CFAP70: variants seen among roughly 807,000 people sequenced by gnomAD.
CFAP70 encodes the protein cilia- and flagella-associated protein 70.
A neutral mutation model predicts 137.6 loss-of-function variants in CFAP70; 81 were observed. That is an observed-to-expected ratio of 0.59 (90% CI 0.49 to 0.71). CFAP70 has a LOEUF of 0.71. Ranked by LOEUF, CFAP70 falls within the 30% of genes least tolerant of loss-of-function variation. The pLI is 0.00. For missense variants in CFAP70, 976 were observed against 1,226.7 expected, an observed-to-expected ratio of 0.80 and a Z score of 3.05; for synonymous variants, 382 against 423.6, an observed-to-expected ratio of 0.90 and a Z score of 1.20.
rs1240887354 is a variant in CFAP70, at chr10:73,302,789, A to C, written c.1257-3124T>G. The stretch of plus-strand genomic sequence containing the variant: ...TCTTATACAGTGACATAGATTTAGC[A>C]GTTTGGTATACCCATGCCTCAGGCT... On this transcript the variant is annotated intron_variant, in intron 12 of 26. Transcript: ENST00000310715. Among the ~76,000 whole-genome samples, 5 of 152,170 alleles carry C rather than the reference A, an allele frequency of 3.3e-5. No individual in the cohort carries two copies. The East Asian group carries it at 9.6e-4, about 29-fold the overall frequency.
intron 6 of CFAP70, 39 bp from the exon 8 acceptor site, chr10:73,335,563 C>T: frequency 1.4e-6 from 2 of 1,465,372 alleles, no homozygotes; most frequent in Non-Finnish European, 1.9e-6. Flanking sequence ...GTATGTGTGC[C>T]ATGACTTCAT....
intron 19 of CFAP70, among the ~76,000 whole-genome samples, chr10:73,284,568 T>C (rs567045130): frequency 6.6e-6 from 1 of 151,356 alleles, no homozygotes; most frequent in Non-Finnish European, 1.5e-5. Flanking sequence ...CTGCTTTTTA[T>C]TCTACTATTT....
At chr10:73,353,737 A>T (rs147289084) in exon 3 of CFAP70, 421 of 1,613,594 alleles carry the variant, frequency 2.6e-4, no homozygotes, top group Non-Finnish European at 3.4e-4. Flanking sequence ...CTCCTTTAAA[A>T]CCTTTCTGTT....
At chr10:73,361,885 A>C (rs1415240007), upstream of CFAP70, among the ~76,000 whole-genome samples, 1 of 152,110 alleles carries the variant, frequency 6.6e-6, no homozygotes, top group African/African-American at 2.4e-5. Context: ...TAACAAGCTG[A>C]TCTTAAAATT....
At chr10:73,305,647 G>C (rs1236389537) in intron 12 of CFAP70, among the ~76,000 whole-genome samples, 2 of 152,222 alleles carry the variant, frequency 1.3e-5, no homozygotes, top group Non-Finnish European at 2.9e-5. Flanking sequence ...AAGGAAATCT[G>C]TCAAAACACT....
At position 73,275,467 on chromosome 10, in the gene CFAP70, T is replaced by C. The variant is rs540018219; in HGVS notation, c.2652A>G (p.Gln884=). The stretch of plus-strand genomic sequence containing the variant: ...TTACCAGGTAGTCCATCTGGGCTGC[T>C]TGTTGAAGGTATTCCTCTGCCTTGG... Residue 884 remains glutamine, a synonymous_variant, in exon 22 of 27, where the codon CAA becomes CAG. Coordinates refer to ENST00000310715, the Ensembl canonical transcript of CFAP70. The surrounding 1 kb of genome is among the most constrained non-coding windows in gnomAD (Gnocchi z 4.0). The C allele has an allele frequency of 6.2e-7, 1 of 1,607,650 alleles. No homozygotes were observed. The highest frequency in any genetic ancestry group is 1.3e-5 in the African/African-American group (1 of 74,584).
At chr10:73,348,190 C>A in intron 4 of CFAP70, 2 of 1,614,172 alleles carry the variant, frequency 1.2e-6, no homozygotes, top group Non-Finnish European at 1.7e-6. Flanking sequence ...TAAGGGTGAG[C>A]CTTGCACAGG....
At chr10:73,328,385 TC>T (rs2051695865) in intron 8 of CFAP70, among the ~76,000 whole-genome samples, 1 of 150,960 alleles carries the variant, frequency 6.6e-6, no homozygotes, top group South Asian at 2.1e-4. Flanking sequence ...CCATAAAAAC[TC>T]TAGAAGAAAA....
rs753252529 is a variant in CFAP70 at position 73,275,610 on chromosome 10, A to G, written c.2521-12T>C. 2 of 1,542,286 alleles carry G rather than the reference A, an allele frequency of 1.3e-6. No individual in the cohort carries two copies. Among genetic ancestry groups the G allele is most frequent in the Non-Finnish European group, 1.7e-6 (2 of 1,147,976 alleles). ...ACTCTGTGCACATACTGCAAGGATA[A>G]TCAGATTATAAGCAACATATAAATG... On this transcript the variant is annotated splice_polypyrimidine_tract_variant and intron_variant, in intron 21 of 26. Coordinates refer to ENST00000310715, the Ensembl canonical transcript of CFAP70. This position sits in a 1 kb window ranked among gnomAD's most constrained non-coding sequence, Gnocchi z 4.0.
chr10:73,309,680 A>G (rs554727430), intron 12 of CFAP70, among the ~76,000 whole-genome samples: 15 of 122,116 alleles, frequency 1.2e-4, no homozygotes, highest in Admixed American at 5.5e-4. Context: ...TTTTAGAGAT[A>G]GAGTCTTTCT....
At chr10:73,341,949 A>T (rs2132421088) in intron 5 of CFAP70, among the ~76,000 whole-genome samples, 1 of 152,312 alleles carries the variant, frequency 6.6e-6, no homozygotes, top group Non-Finnish European at 1.5e-5. Context: ...CATTTTACTG[A>T]TTCCCTCATT....
intron 25 of CFAP70, among the ~76,000 whole-genome samples, chr10:73,266,046 A>G (rs1014521334): frequency 5.3e-5 from 8 of 152,132 alleles, no homozygotes; most frequent in Admixed American, 1.3e-4. Context: ...GACATGGTAT[A>G]TCTTTCTATT....
intron 7 of CFAP70, among the ~76,000 whole-genome samples, chr10:73,332,217 T>G (rs2052182048): frequency 6.6e-6 from 1 of 152,188 alleles, no homozygotes; most frequent in Non-Finnish European, 1.5e-5. Flanking sequence ...GTGGACTAGC[T>G]GGGAGTGAAA....
intron 12 of CFAP70, among the ~76,000 whole-genome samples, chr10:73,300,108 C>A (rs2048839689): frequency 6.6e-6 from 1 of 152,228 alleles, no homozygotes; most frequent in African/African-American, 2.4e-5. Context: ...TCCCCGTCTA[C>A]AATAAAAGTG....
chr10:73,262,237 C>T (rs1249865992), intron 25 of CFAP70, among the ~76,000 whole-genome samples: 1 of 151,818 alleles, frequency 6.6e-6, no homozygotes, highest in Non-Finnish European at 1.5e-5. Flanking sequence ...AAATTGCACA[C>T]TGCTATTATG....
At chr10:73,272,666 C>G in intron 24 of CFAP70, 1 of 533,870 alleles carries the variant, frequency 1.9e-6, no homozygotes, top group East Asian at 3.5e-5. Flanking sequence ...AAAGGAGTGT[C>G]TATACCAAAT....
At chr10:73,305,788 T>C (rs2049324842) in intron 12 of CFAP70, among the ~76,000 whole-genome samples, 1 of 152,002 alleles carries the variant, frequency 6.6e-6, no homozygotes. Context: ...ATACAAATAG[T>C]ACAAATAAAT....
chr10:73,287,813 A>G (rs2047850518), intron 19 of CFAP70, among the ~76,000 whole-genome samples: 1 of 152,160 alleles, frequency 6.6e-6, no homozygotes, highest in African/African-American at 2.4e-5. Flanking sequence ...TGGAGGAAGA[A>G]ATATCTCTAG....
exon 3 of CFAP70, chr10:73,353,720 G>A (rs1260358972): frequency 6.2e-7 from 1 of 1,614,040 alleles, no homozygotes; most frequent in Non-Finnish European, 8.5e-7. Context: ...AAAGGTAACT[G>A]GAGTATCTCC....
Sources: allele counts gnomAD v4.1 joint callset (sites outside exome capture counted in the v4.1 genomes callset), GRCh38; gene constraint gnomAD v4.1.1; non-coding constraint Gnocchi (gnomAD v3.1); transcripts MANE v1.5; gene names NCBI Gene and HGNC (gene_info 2026-07-23, HGNC 2026-07-21).